RANBP2: variants seen among roughly 807,000 people sequenced by gnomAD.
The protein encoded by RANBP2 is E3 SUMO-protein ligase RanBP2.
In RANBP2, 57 loss-of-function variants were observed where a neutral mutation model predicts 303.6. The ratio of observed to expected loss-of-function variants is 0.19; its 90% CI spans 0.15 to 0.23. The LOEUF (loss-of-function observed/expected upper bound fraction) is 0.23. Among genes scored for constraint, RANBP2 ranks in the 10% least tolerant of loss-of-function variants. RANBP2 has a pLI of 1.00. For synonymous variants in RANBP2, 1,167 were observed against 1,301.5 expected (o/e 0.90, Z 2.23); for missense variants, 3,138 against 3,780.8 (o/e 0.83, Z 4.46).
the RANBP2 span, among the ~76,000 whole-genome samples, chr2:109,389,152 G>C: frequency 6.6e-6 from 1 of 152,212 alleles, no homozygotes; most frequent in Admixed American, 6.5e-5. Context: ...ACAGGTGAGC[G>C]TACCTGCAGA....
chr2:109,271,378 C>T, the RANBP2 span, among the ~76,000 whole-genome samples: 2 of 152,184 alleles, frequency 1.3e-5, no homozygotes, highest in Admixed American at 1.3e-4. Context: ...AAATCTCAAC[C>T]CAAAAGCTCA....
chr2:109,071,209 A>C, the RANBP2 span, among the ~76,000 whole-genome samples: 3 of 152,212 alleles, frequency 2.0e-5, no homozygotes, highest in Admixed American at 2.0e-4. Flanking sequence ...TGCTGATAGA[A>C]TAGTCACAAA....
At chr2:109,593,409 C>CCTTTTTTT in the RANBP2 span, among the ~76,000 whole-genome samples, 1 of 133,804 alleles carries the variant, frequency 7.5e-6, no homozygotes, top group Non-Finnish European at 1.6e-5. Context: ...AGAGAAAGAA[C>CCTTTTTTT]TTTTTTTTTT....
the RANBP2 span, among the ~76,000 whole-genome samples, chr2:109,298,826 T>C: frequency 2.0e-5 from 3 of 152,206 alleles, no homozygotes; most frequent in Admixed American, 1.3e-4. Context: ...CAGAGGGTCC[T>C]GTTTCTGCCC....
the RANBP2 span, among the ~76,000 whole-genome samples, chr2:109,132,790 C>T: frequency 6.6e-6 from 1 of 152,164 alleles, no homozygotes; most frequent in African/African-American, 2.4e-5. Context: ...CACTATTTTG[C>T]AAGAAAATCC....
chr2:109,653,017 A>G, the RANBP2 span, among the ~76,000 whole-genome samples: 1 of 152,008 alleles, frequency 6.6e-6, no homozygotes, highest in Non-Finnish European at 1.5e-5. Flanking sequence ...TGTGTTTACT[A>G]AGGCAGCTTC....
At chr2:109,293,356 G>A in the RANBP2 span, among the ~76,000 whole-genome samples, 1 of 152,232 alleles carries the variant, frequency 6.6e-6, no homozygotes, top group African/African-American at 2.4e-5. Flanking sequence ...GTCATCAGGG[G>A]CCAGAAAAAT....
At chr2:109,355,002 T>C in the RANBP2 span, among the ~76,000 whole-genome samples, 1 of 152,222 alleles carries the variant, frequency 6.6e-6, no homozygotes, top group Non-Finnish European at 1.5e-5. Flanking sequence ...AAAGGTGATA[T>C]AGTTTTTAGT....
chr2:109,439,583 C>T, the RANBP2 span, among the ~76,000 whole-genome samples: 7 of 152,120 alleles, frequency 4.6e-5, no homozygotes, highest in Admixed American at 1.3e-4. Context: ...ATTGCATTGG[C>T]CATAGCATCC....
chr2:108,916,517 C>T, the RANBP2 span, among the ~76,000 whole-genome samples: 6,444 of 152,214 alleles, frequency 0.042, 455 homozygotes, highest in African/African-American at 0.15. Flanking sequence ...CCACAGGCGC[C>T]CACCTGCCCT....
the RANBP2 span, among the ~76,000 whole-genome samples, chr2:109,415,020 G>A: frequency 5.5e-4 from 84 of 152,358 alleles, no homozygotes; most frequent in African/African-American, 1.8e-3. Context: ...GGGAAGCAGA[G>A]GCCAGAGTCA....
the RANBP2 span, among the ~76,000 whole-genome samples, chr2:109,479,825 C>G: frequency 6.6e-6 from 1 of 152,158 alleles, no homozygotes; most frequent in African/African-American, 2.4e-5. Context: ...ATCCACAGAC[C>G]ACTGATGAAG....
Position 108,782,689 on chromosome 2 carries a change from GTGT to G in RANBP2, c.9198_9200del (p.Phe3068del). On this transcript the variant is annotated inframe_deletion, in exon 28 of 29. Coordinates refer to ENST00000283195, the MANE Select transcript of RANBP2 (RefSeq NM_006267.5). ...ATTATCAAAGGAGACCAATCCTGTG[GTGT>G]TTTTTGATGTTTGTGCGGACGGTGA... is the stretch of plus-strand genomic sequence containing the variant. The G allele has an allele frequency of 6.2e-7, 1 of 1,614,230 alleles. No homozygotes were observed. The highest frequency in any genetic ancestry group is 8.5e-7 in the Non-Finnish European group (1 of 1,180,046).
chr2:109,729,582 G>A, the RANBP2 span, among the ~76,000 whole-genome samples: 1 of 152,144 alleles, frequency 6.6e-6, no homozygotes, highest in African/African-American at 2.4e-5. Flanking sequence ...CCTGGGAAGT[G>A]GAGGTTGCAG....
chr2:108,921,553 T>C, the RANBP2 span, among the ~76,000 whole-genome samples: 1 of 152,198 alleles, frequency 6.6e-6, no homozygotes, highest in South Asian at 2.1e-4. Context: ...GGGCTCCTGA[T>C]GAAATGTTTG....
chr2:109,366,447 T>G, the RANBP2 span, among the ~76,000 whole-genome samples: 1 of 151,972 alleles, frequency 6.6e-6, no homozygotes, highest in Non-Finnish European at 1.5e-5. Context: ...TCACTACCAT[T>G]TATATCTTTC....
intron 19 of RANBP2, 101 bp downstream of exon 19, chr2:108,762,296 T>A: frequency 1.7e-6 from 2 of 1,168,910 alleles, no homozygotes; most frequent in Non-Finnish European, 2.3e-6. Context: ...TTAAAACTTT[T>A]ATGTCCCTTA....
chr2:109,111,011 T>A, the RANBP2 span, among the ~76,000 whole-genome samples: 2 of 152,294 alleles, frequency 1.3e-5, no homozygotes, highest in Non-Finnish European at 2.9e-5. Flanking sequence ...ACTTTCATAG[T>A]GTTAAGGCAT....
At chr2:109,299,738 G>C in the RANBP2 span, among the ~76,000 whole-genome samples, 1 of 152,146 alleles carries the variant, frequency 6.6e-6, no homozygotes, top group South Asian at 2.1e-4. Flanking sequence ...CTCAAGCAAG[G>C]CTTTTCTTTC....
Sources: gnomAD v4.1 joint callset for allele counts (sites outside exome capture counted in the v4.1 genomes callset) on GRCh38, gnomAD v4.1.1 for gene constraint, MANE v1.5 for transcripts, NCBI Gene and HGNC (gene_info 2026-07-23, HGNC 2026-07-21) for gene names.